MDM1: variants seen among roughly 807,000 people sequenced by gnomAD.
MDM1 encodes stabilizer of axonemal microtubules 6.
Under a neutral mutation model 89.1 loss-of-function variants are expected in MDM1, and 61 were observed. The ratio of observed to expected loss-of-function variants is 0.68; its 90% confidence interval spans 0.56 to 0.85. The LOEUF is 0.85. Among genes scored for constraint, MDM1 ranks in the 40% least tolerant of loss-of-function variants. The pLI is 0.00. For missense variants in MDM1, 820 were observed against 846.5 expected (o/e 0.97, Z 0.39); for synonymous variants, 290 against 294.1 (o/e 0.99, Z 0.14).
intron 1 of MDM1, 142 bp downstream of exon 1, chr12:68,332,086 G>A: frequency 2.6e-6 from 3 of 1,159,574 alleles, no homozygotes; most frequent in Non-Finnish European, 2.5e-6. Context: ...AGATTCTGGG[G>A]CCCCTCGAGC....
rs1874065392 is a variant in MDM1 at position 68,313,853 on chromosome 12, T to C, written c.1530-100A>G. 3.8e-6 allele frequency: 4 copies of C among 1,063,690 alleles called. No homozygotes were observed. In the African/African-American group the frequency reaches 4.7e-5, roughly 13 times the overall value. 65.9% of individuals were successfully genotyped at this position (1,063,690 alleles called of 1,614,324 possible). On this transcript the variant is annotated intron_variant, in intron 10 of 14. Transcript: ENST00000682720. ...TTGTGCAATAATAAAGTATAAAACT[T>C]GTAAGAGGCCAGGCGCGGTGGCTCA...
At chr12:68,319,494 T>C (rs1240652567) in intron 7 of MDM1, among the ~76,000 whole-genome samples, 3 of 152,168 alleles carry the variant, frequency 2.0e-5, no homozygotes, top group Non-Finnish European at 4.4e-5. Context: ...CCTGAAATGT[T>C]AGGAGTGGGA....
intron 14 of MDM1, among the ~76,000 whole-genome samples, chr12:68,295,726 G>A (rs1325184600): frequency 6.6e-6 from 1 of 152,090 alleles, no homozygotes; most frequent in Non-Finnish European, 1.5e-5. Context: ...GCTATTCTGA[G>A]CAAAAAGCTT....
In MDM1 at chr12:68,327,282, T is replaced by G. The variant is rs140002401; in HGVS notation, c.134-261A>C. 3.0e-3 allele frequency: 4,251 copies of G among 1,414,046 alleles called. 13 individuals carry two copies. Among genetic ancestry groups the G allele is most frequent in the Non-Finnish European group, 3.6e-3 (3,921 of 1,088,592 alleles). The allele number at this position is 1,414,046 out of a possible 1,614,324, so 87.6% of individuals were successfully genotyped here. A position where few individuals can be genotyped will look rare whatever the true frequency, so the allele number is the denominator to read the frequency against. On this transcript the variant is annotated intron_variant, in intron 2 of 14. Transcript: ENST00000682720. Reference sequence around the variant, plus strand: ...ATCAGGGGGTCACAAAATGTTCCAGTTATCCTAACAAAAGTCACTAGAATT... The same window carrying G: ...ATCAGGGGGTCACAAAATGTTCCAGGTATCCTAACAAAAGTCACTAGAATT...
intron 3 of MDM1, chr12:68,326,283 G>A: frequency 8.0e-7 from 1 of 1,251,224 alleles, no homozygotes; most frequent in Non-Finnish European, 1.0e-6. Flanking sequence ...TACACGATAA[G>A]AAACTGAAAA....
At chr12:68,330,413 C>T (rs901885439) in intron 2 of MDM1, among the ~76,000 whole-genome samples, 3 of 152,194 alleles carry the variant, frequency 2.0e-5, no homozygotes, top group African/African-American at 7.2e-5. Context: ...TTTTTCAGAG[C>T]TTATATACCT....
chr12:68,299,125 T>TA (rs892590363), intron 13 of MDM1, among the ~76,000 whole-genome samples: 2 of 151,578 alleles, frequency 1.3e-5, no homozygotes, highest in Non-Finnish European at 2.9e-5. Flanking sequence ...AAAAAAATTT[T>TA]AAAAAAAACA....
intron 7 of MDM1, 167 bp downstream of exon 7, chr12:68,321,180 A>AG: frequency 2.2e-6 from 1 of 452,940 alleles, no homozygotes; most frequent in Non-Finnish European, 3.8e-6. Flanking sequence ...ATTAAAAAAA[A>AG]TGATAATTTA....
intron 7 of MDM1, among the ~76,000 whole-genome samples, chr12:68,320,743 CTAAT>C (rs1275497482): frequency 6.6e-6 from 1 of 152,172 alleles, no homozygotes; most frequent in African/African-American, 2.4e-5. Flanking sequence ...TTGAAAGATG[CTAAT>C]TAATACAATA....
chr12:68,307,585 G>A (rs1210072572), intron 12 of MDM1, among the ~76,000 whole-genome samples: 1 of 152,144 alleles, frequency 6.6e-6, no homozygotes, highest in African/African-American at 2.4e-5. Context: ...GGGCTACAAT[G>A]AGCCGTGATT....
intron 14 of MDM1, among the ~76,000 whole-genome samples, chr12:68,296,153 C>A (rs7962154): frequency 0.01 from 1,589 of 152,276 alleles, 26 homozygotes; most frequent in African/African-American, 0.036. Flanking sequence ...TTCAATTATT[C>A]ATATTGAATT....
intron 2 of MDM1, among the ~76,000 whole-genome samples, chr12:68,328,184 A>G (rs1876288068): frequency 6.6e-6 from 1 of 152,242 alleles, no homozygotes; most frequent in Admixed American, 6.5e-5. Flanking sequence ...CTGAGGGAGA[A>G]TATTTGACAG....
At chr12:68,316,333 T>C in intron 8 of MDM1, 80 bp from the exon 9 acceptor site, 1 of 1,426,592 alleles carries the variant, frequency 7.0e-7, no homozygotes, top group Non-Finnish European at 9.5e-7. Flanking sequence ...TCAAAGACAT[T>C]GCACAAATAC....
chr12:68,310,806 G>A (rs956022089), intron 12 of MDM1, among the ~76,000 whole-genome samples: 1 of 152,146 alleles, frequency 6.6e-6, no homozygotes, highest in African/African-American at 2.4e-5. Context: ...TTCACAAACA[G>A]CCATCAGCAA....
chr12:68,320,035 A>G (rs1875007243), intron 7 of MDM1, among the ~76,000 whole-genome samples: 1 of 152,220 alleles, frequency 6.6e-6, no homozygotes, highest in Admixed American at 6.5e-5. Context: ...CTTCAAAACA[A>G]AGAGTTTCTC....
chr12:68,310,881 C>A (rs1263573155), intron 12 of MDM1, among the ~76,000 whole-genome samples: 1 of 152,176 alleles, frequency 6.6e-6, no homozygotes. Context: ...CACTTACACC[C>A]ATGATGTTAA....
chr12:68,321,479 C>T, intron 6 of MDM1, 33 bp from the exon 7 acceptor site: 1 of 1,605,998 alleles, frequency 6.2e-7, no homozygotes. Context: ...AAATATTTCA[C>T]CATGTTAATC....
intron 7 of MDM1, among the ~76,000 whole-genome samples, chr12:68,319,808 A>G (rs1565780147): frequency 1.3e-5 from 2 of 152,258 alleles, no homozygotes; most frequent in Non-Finnish European, 2.9e-5. Context: ...CCAAGATATC[A>G]TAATAGGAAA....
intron 7 of MDM1, among the ~76,000 whole-genome samples, chr12:68,320,624 C>T (rs1193531468): frequency 2.0e-5 from 3 of 152,180 alleles, no homozygotes; most frequent in African/African-American, 7.2e-5. Context: ...CCAAATTATC[C>T]TTCTGTTTAC....
Sources: allele counts gnomAD v4.1 joint callset (sites outside exome capture counted in the v4.1 genomes callset), GRCh38; gene constraint gnomAD v4.1.1; transcripts MANE v1.5; gene names NCBI Gene and HGNC (gene_info 2026-07-23, HGNC 2026-07-21).